The following PTPRT variants were observed in gnomAD, a reference collection of about 807,000 sequenced individuals.
PTPRT encodes the protein protein tyrosine phosphatase receptor type T.
In PTPRT, 56 loss-of-function variants were observed where a neutral mutation model predicts 176.8. The ratio of observed to expected loss-of-function variants is 0.32; its 90% CI spans 0.26 to 0.40. The LOEUF (loss-of-function observed/expected upper bound fraction) is 0.40, where lower values mean the gene tolerates loss of function less well. Ranked by LOEUF, PTPRT falls within the 10% of genes least tolerant of loss-of-function variation. PTPRT has a pLI of 1.00. For synonymous variants in PTPRT, 783 were observed against 739.0 expected (o/e 1.06, Z -0.96); for missense variants, 1,540 against 1,908.2 (o/e 0.81, Z 3.60).
At chr20:42,554,541 C>G (rs2072827683) in intron 7 of PTPRT, among the ~76,000 whole-genome samples, 1 of 152,128 alleles carries the variant, frequency 6.6e-6, no homozygotes, top group African/African-American at 2.4e-5. Context: ...AGTGGGTACT[C>G]AGGAAATATG....
chr20:42,049,942 C>T, the PTPRT span, among the ~76,000 whole-genome samples: 2 of 152,210 alleles, frequency 1.3e-5, no homozygotes, highest in Admixed American at 6.5e-5. Context: ...TATCCCCCCA[C>T]CATCCTGCAG....
In PTPRT at chr20:42,553,627, T is replaced by C. The variant is rs6030324; in HGVS notation, c.1154-81065A>G. 3.4e-3 allele frequency among the ~76,000 whole-genome samples: 511 copies of C among 152,218 alleles called. 6 individuals carry two copies. Among genetic ancestry groups the C allele is most frequent in the African/African-American group, 0.012 (492 of 41,528 alleles). ...TACACATACTTTTACTTGACCTCTC[T>C]CCCCCACACTTTCACTTTCTCTCCC... On this transcript the variant is annotated intron_variant, in intron 7 of 30. Coordinates refer to ENST00000373187, the MANE Select transcript of PTPRT (RefSeq NM_007050.6).
intron 2 of PTPRT, among the ~76,000 whole-genome samples, chr20:42,842,139 T>C (rs1334362913): frequency 6.6e-6 from 1 of 152,244 alleles, no homozygotes; most frequent in Non-Finnish European, 1.5e-5. Flanking sequence ...AGAAAACTCC[T>C]GTATTCTCCA....
chr20:42,985,563 AC>A (rs1983525672), intron 1 of PTPRT, among the ~76,000 whole-genome samples: 1 of 151,978 alleles, frequency 6.6e-6, no homozygotes, highest in Non-Finnish European at 1.5e-5. Flanking sequence ...CAGAACCAAG[AC>A]CCCTGCTCTT....
chr20:42,115,394 G>T, intron 21 of PTPRT, 79 bp from the exon 22 acceptor site: 1 of 1,063,852 alleles, frequency 9.4e-7, no homozygotes, highest in Non-Finnish European at 1.5e-6. Context: ...GTGAGCAGCT[G>T]TCTCATCTGG....
chr20:42,995,274 G>A (rs1984159330), intron 1 of PTPRT, among the ~76,000 whole-genome samples: 1 of 152,150 alleles, frequency 6.6e-6, no homozygotes, highest in African/African-American at 2.4e-5. Flanking sequence ...CCCTCATGAG[G>A]TTGTAGACAA....
intron 16 of PTPRT, among the ~76,000 whole-genome samples, chr20:42,178,795 G>T (rs1047097872): frequency 1.1e-4 from 17 of 152,022 alleles, no homozygotes; most frequent in African/African-American, 4.1e-4. Flanking sequence ...ATTTTTTCAT[G>T]GGCTACTGCA....
At chr20:42,749,588 T>C (rs988146471) in intron 6 of PTPRT, among the ~76,000 whole-genome samples, 2 of 152,174 alleles carry the variant, frequency 1.3e-5, no homozygotes, top group Middle Eastern at 3.2e-3. Context: ...GTTTCCATGC[T>C]CTCACTGGTA....
At chr20:42,042,929 G>T in the PTPRT span, among the ~76,000 whole-genome samples, 1 of 152,240 alleles carries the variant, frequency 6.6e-6, no homozygotes, top group African/African-American at 2.4e-5. Context: ...GCCTTCCCTT[G>T]TAAGACCAGC....
intron 7 of PTPRT, among the ~76,000 whole-genome samples, chr20:42,572,668 CATG>C (rs2073177746): frequency 6.6e-6 from 1 of 152,230 alleles, no homozygotes; most frequent in African/African-American, 2.4e-5. Flanking sequence ...TAGCACTCAT[CATG>C]ATTACAATTA....
chr20:42,762,693 A>G (rs1045662461), intron 5 of PTPRT, among the ~76,000 whole-genome samples: 13 of 152,202 alleles, frequency 8.5e-5, no homozygotes, highest in African/African-American at 2.9e-4. Flanking sequence ...CAAGCTACAT[A>G]TCTATGGAGC....
At chr20:43,065,919 A>G (rs2011108295) in intron 1 of PTPRT, among the ~76,000 whole-genome samples, 1 of 152,220 alleles carries the variant, frequency 6.6e-6, no homozygotes, top group African/African-American at 2.4e-5. Context: ...TGCAAGTTGC[A>G]CATCTAGCAA....
At chr20:42,116,302 A>C (rs1332893195) in intron 21 of PTPRT, among the ~76,000 whole-genome samples, 1 of 152,120 alleles carries the variant, frequency 6.6e-6, no homozygotes, top group Non-Finnish European at 1.5e-5. Context: ...GCATTTCCCA[A>C]ACGTATTTAA....
chr20:42,101,175 T>C (rs1331025036), intron 26 of PTPRT, among the ~76,000 whole-genome samples: 2 of 152,210 alleles, frequency 1.3e-5, no homozygotes, highest in African/African-American at 4.8e-5. Context: ...TTCTTGGTTT[T>C]GAGCCTCAGG....
chr20:42,944,214 T>C (rs1980741629), intron 1 of PTPRT, among the ~76,000 whole-genome samples: 1 of 151,962 alleles, frequency 6.6e-6, no homozygotes, highest in Non-Finnish European at 1.5e-5. Flanking sequence ...ACATCACAGT[T>C]TAGGATTTTA....
chr20:42,517,234 T>C lies in PTPRT; in HGVS notation c.1154-44672A>G, dbSNP rs1463166761. ...TTTAAAGATTACAGGACTGCTCAGA[T>C]TTTTTTTTCACTAAGTTTTAATATT... On this transcript the variant is annotated intron_variant, in intron 7 of 30. Transcript: ENST00000373187. Among the ~76,000 whole-genome samples, 3 of 147,662 alleles carry C rather than the reference T, an allele frequency of 2.0e-5. No homozygotes were observed. The East Asian group carries it at 5.8e-4, about 29-fold the overall frequency.
At chr20:42,524,802 T>C (rs555623444) in intron 7 of PTPRT, among the ~76,000 whole-genome samples, 56 of 152,070 alleles carry the variant, frequency 3.7e-4, no homozygotes, top group Admixed American at 7.2e-4. Context: ...TTCCTTTTTT[T>C]TCTCTCTCTC....
chr20:42,382,766 C>T (rs1188387873), intron 9 of PTPRT, among the ~76,000 whole-genome samples: 1 of 152,106 alleles, frequency 6.6e-6, no homozygotes, highest in African/African-American at 2.4e-5. Context: ...AGGACGGTAA[C>T]CACTTTTCCA....
At chr20:42,407,689 C>G (rs1485362129) in intron 9 of PTPRT, among the ~76,000 whole-genome samples, 2 of 151,932 alleles carry the variant, frequency 1.3e-5, no homozygotes, top group African/African-American at 4.8e-5. Context: ...AAATGAGATA[C>G]TCAGGAAAAA....
Sources: gnomAD v4.1 joint callset for allele counts (sites outside exome capture counted in the v4.1 genomes callset) on GRCh38, gnomAD v4.1.1 for gene constraint, MANE v1.5 for transcripts, NCBI Gene and HGNC (gene_info 2026-07-23, HGNC 2026-07-21) for gene names.